The following PLCG2 variants were observed in gnomAD, a reference collection of about 807,000 sequenced individuals.
PLCG2 encodes phospholipase C gamma 2, also known as 1-phosphatidylinositol 4,5-bisphosphate phosphodiesterase gamma-2.
PLCG2 carries 69 observed loss-of-function variants against 175.6 expected under a neutral mutation model. The observed-to-expected ratio is 0.39, with a 90% CI of 0.32 to 0.48. PLCG2 has a LOEUF of 0.48. PLCG2 is among the 20% of genes least tolerant of loss of function. The probability of loss-of-function intolerance (pLI) is 0.91; values close to 1 mark genes in which losing one functional copy is unlikely to be tolerated. For synonymous variants in PLCG2, 827 were observed against 624.0 expected, an observed-to-expected ratio of 1.33 and a Z score of -4.85; for missense variants, 1,798 against 1,650.9, an observed-to-expected ratio of 1.09 and a Z score of -1.54.
At chr16:81,743,369 A>G (rs889194887) in intron 1 of PLCG2, among the ~76,000 whole-genome samples, 5 of 152,154 alleles carry the variant, frequency 3.3e-5, no homozygotes, top group Non-Finnish European at 7.4e-5. Context: ...AAACAAAACA[A>G]AAGAACCGGT....
At position 81,786,027 on chromosome 16, in the gene PLCG2, A is replaced by C. The variant is rs1261993965; in HGVS notation, c.38A>C (p.Tyr13Ser). 4.3e-6 allele frequency: 7 copies of C among 1,614,078 alleles called. No homozygotes were observed. ...GTCAATGTAGATTCCCTTGCGGAAT[A>C]TGAGAAGAGCCAGATCAAGAGAGCC... Reference protein sequence around the residue: ...TTVNVDSLAEYEKSQIKRALE... With the variant: ...TTVNVDSLAESEKSQIKRALE... Residue 13 changes from tyrosine to serine, a missense_variant, in exon 2 of 33, where the codon TAT becomes TCT. Physicochemically the swap from Tyr to Ser is moderately radical, Grantham distance 144 (BLOSUM62 -2). Coordinates refer to ENST00000564138, the MANE Select transcript of PLCG2 (RefSeq NM_002661.5).
intron 2 of PLCG2, among the ~76,000 whole-genome samples, chr16:81,762,197 A>G (rs1910055819): frequency 6.6e-6 from 1 of 152,158 alleles, no homozygotes; most frequent in African/African-American, 2.4e-5. Flanking sequence ...TTATTAATGC[A>G]TGTTAATTTT....
chr16:81,869,267 G>A lies in PLCG2; in HGVS notation c.533G>A (p.Ser178Asn), dbSNP rs200981336. Residue 178 changes from serine (S) to asparagine (N), a missense_variant, in exon 6 of 33, where the codon AGC (serine) becomes AAC (asparagine). Physicochemically the swap from Ser to Asn is conservative, Grantham distance 46. Coordinates refer to ENST00000564138, the MANE Select transcript of PLCG2 (RefSeq NM_002661.5). ...TTGCCCCTGATCAACTTTAAAGTGA[G>A]CAGTGCCAAGTTCCTTAAAGATAAG... Reference protein sequence around the residue: ...TILPLINFKVSSAKFLKDKFV... With the variant: ...TILPLINFKVNSAKFLKDKFV... 1.1e-4 allele frequency: 185 copies of A among 1,613,636 alleles called. No individual in the cohort carries two copies. Among genetic ancestry groups the A allele is most frequent in the Middle Eastern group, 1.6e-4 (1 of 6,082 alleles).
At chr16:81,760,842 C>G (rs1345997977) in intron 2 of PLCG2, among the ~76,000 whole-genome samples, 3 of 151,908 alleles carry the variant, frequency 2.0e-5, no homozygotes, top group African/African-American at 7.2e-5. Context: ...AGGCAGGAGG[C>G]TCATCTCTGG....
chr16:81,810,206 G>A lies in PLCG2; in HGVS notation c.193+24024G>A, dbSNP rs566560777. Among the ~76,000 whole-genome samples the A allele has an allele frequency of 5.9e-5, 9 of 152,210 alleles. No homozygotes were observed. In the South Asian group the frequency reaches 1.2e-3, roughly 21 times the overall value. On this transcript the variant is annotated intron_variant, in intron 2 of 32. Transcript: ENST00000564138. The stretch of plus-strand genomic sequence containing the variant: ...GGGTTTCACCATCTTGGCCAGGATG[G>A]TTTCTATCTCTTGATTCTCGTGGCA...
Position 81,937,883 on chromosome 16 carries a change from C to G in PLCG2, c.3178C>G (p.Leu1060Val). The change falls in exon 28 of 33, where the codon CTG (leucine) becomes GTG (valine). Residue 1060 changes from leucine (L) to valine (V), a missense_variant. By Grantham distance (32) the Leu-to-Val change is conservative. Transcript: ENST00000564138. ...PMPPESQRKI[L>V]MTLTVKVLGA... ...GCCACCCGAGTCCCAGAGGAAGATC[C>G]TGATGACGCTGACAGTCAAGGTAAA... 6.2e-7 allele frequency: 1 copy of G among 1,614,146 alleles called. No individual in the cohort carries two copies. Among genetic ancestry groups the G allele is most frequent in the Non-Finnish European group, 8.5e-7 (1 of 1,179,998 alleles).
intron 1 of PLCG2, chr16:81,783,275 A>T (rs924464208): frequency 6.8e-6 from 2 of 292,568 alleles, no homozygotes; most frequent in African/African-American, 4.5e-5. Flanking sequence ...GCTGGGTCAA[A>T]TCCAGTTTCA....
chr16:81,883,494 G>T lies in PLCG2; in HGVS notation c.765+153G>T, dbSNP rs6564928. ...CACCTGTCTTCATGGAACGATTGCA[G>T]TCTGCCAGATGCCAGAGACTTCAGA... On this transcript the variant is annotated intron_variant, in intron 9 of 32. Transcript: ENST00000564138. The T allele has an allele frequency of 0.22, 140,070 of 632,566 alleles. 17,219 individuals carry two copies. The highest frequency in any genetic ancestry group is 0.36 in the African/African-American group (19,649 of 55,308). The allele number at this position is 632,566 out of a possible 1,614,324, so 39.2% of individuals were successfully genotyped here.
At chr16:81,811,562 C>T (rs916990243) in intron 2 of PLCG2, among the ~76,000 whole-genome samples, 2 of 152,044 alleles carry the variant, frequency 1.3e-5, no homozygotes, top group East Asian at 1.9e-4. Context: ...GTGTTCCCCT[C>T]CCTGTGTGCA....
At chr16:81,785,303 A>G (rs987873781) in intron 1 of PLCG2, among the ~76,000 whole-genome samples, 7 of 152,090 alleles carry the variant, frequency 4.6e-5, no homozygotes, top group Non-Finnish European at 1.0e-4. Context: ...TAAAAAGGCT[A>G]AAACTGAGGC....
intron 2 of PLCG2, chr16:81,766,920 G>C (rs563280861): frequency 6.6e-6 from 1 of 152,112 alleles, no homozygotes. Flanking sequence ...GTCTGTCCAG[G>C]TCATTCTTCT....
At chr16:81,944,751 C>T (rs748287634) in intron 30 of PLCG2, among the ~76,000 whole-genome samples, 13 of 152,140 alleles carry the variant, frequency 8.5e-5, no homozygotes, top group African/African-American at 2.7e-4. Flanking sequence ...GCTAGGATTA[C>T]AGGCATGAGC....
chr16:81,778,466 A>G (rs1018712150), upstream of PLCG2, among the ~76,000 whole-genome samples: 1 of 152,190 alleles, frequency 6.6e-6, no homozygotes, highest in East Asian at 1.9e-4. Context: ...AGTCACAACA[A>G]AGATACCTCC....
intron 20 of PLCG2, among the ~76,000 whole-genome samples, chr16:81,920,492 C>T (rs1450474474): frequency 6.6e-6 from 1 of 152,162 alleles, no homozygotes; most frequent in Admixed American, 6.5e-5. Flanking sequence ...AAGGGGTGGA[C>T]ACTACCTTAG....
chr16:81,907,623 T>C (rs1909432210), intron 15 of PLCG2, 62 bp from the exon 16 acceptor site: 12 of 1,207,018 alleles, frequency 9.9e-6, no homozygotes, highest in Non-Finnish European at 1.5e-5. Context: ...GCAGGGCTCC[T>C]GGGCTCCACA....
chr16:81,776,303 T>C (rs1475739645), upstream of PLCG2, among the ~76,000 whole-genome samples: 3 of 150,422 alleles, frequency 2.0e-5, no homozygotes, highest in Non-Finnish European at 3.0e-5. Flanking sequence ...TAGAGACGGG[T>C]TTTCACCATG....
At chr16:81,814,636 A>T (rs900115722) in intron 2 of PLCG2, among the ~76,000 whole-genome samples, 3 of 152,090 alleles carry the variant, frequency 2.0e-5, no homozygotes. Flanking sequence ...TGGAGGTTGC[A>T]GTGAACCAAG....
At chr16:81,819,438 C>A (rs979586560) in intron 2 of PLCG2, among the ~76,000 whole-genome samples, 1 of 152,176 alleles carries the variant, frequency 6.6e-6, no homozygotes, top group Non-Finnish European at 1.5e-5. Flanking sequence ...AAGGATTTGG[C>A]TTGGGGCACC....
At chr16:81,811,870 T>A (rs1431511934) in intron 2 of PLCG2, among the ~76,000 whole-genome samples, 3 of 152,134 alleles carry the variant, frequency 2.0e-5, no homozygotes, top group Non-Finnish European at 4.4e-5. Flanking sequence ...TTTACAATCC[T>A]TTCGGTTTAT....
Sources: gnomAD v4.1 joint callset for allele counts (sites outside exome capture counted in the v4.1 genomes callset) on GRCh38, gnomAD v4.1.1 for gene constraint, MANE v1.5 for transcripts, NCBI Gene and HGNC (gene_info 2026-07-23, HGNC 2026-07-21) for gene names.